The following MYOF variants were observed in gnomAD, a reference collection of about 807,000 sequenced individuals.
MYOF encodes the protein myoferlin, also known as fer-1-like 3, myoferlin.
In MYOF, 244 loss-of-function variants were observed where a neutral mutation model predicts 284.2. The ratio of observed to expected loss-of-function variants is 0.86; its 90% CI spans 0.77 to 0.95. MYOF has a LOEUF of 0.95. MYOF is among the 40% of genes least tolerant of loss of function. MYOF has a pLI of 0.00. For synonymous variants in MYOF, 904 were observed against 919.7 expected (o/e 0.98, Z 0.31); for missense variants, 2,496 against 2,560.6 (o/e 0.97, Z 0.54).
Position 93,398,602 on chromosome 10 carries a change from TG to T in MYOF, c.1221+789del, listed in dbSNP as rs1344828519. Among the ~76,000 whole-genome samples the T allele has an allele frequency of 5.3e-5, 8 of 152,306 alleles. No homozygotes were observed. In the East Asian group the frequency reaches 1.2e-3, roughly 22 times the overall value. On this transcript the variant is annotated intron_variant, in intron 13 of 53. Transcript: ENST00000359263. ...AAACTCAGAGGGTAAACGATTTGCC[TG>T]CCTATGAAGTGGGGTAAAGCCTGAA...
At chr10:93,388,161 C>T (rs938763276) in intron 18 of MYOF, among the ~76,000 whole-genome samples, 2 of 132,062 alleles carry the variant, frequency 1.5e-5, no homozygotes. Flanking sequence ...TAGCTGTGAC[C>T]AAGGTCAGAG....
chr10:93,337,540 T>C, intron 40 of MYOF: 1 of 378,014 alleles, frequency 2.6e-6, no homozygotes, highest in Admixed American at 4.2e-5. Context: ...GTGGCCTAAT[T>C]AGTGTGGTGC....
chr10:93,350,042 G>T, intron 35 of MYOF, 73 bp from the exon 36 acceptor site: 1 of 1,429,648 alleles, frequency 7.0e-7, no homozygotes, highest in Non-Finnish European at 9.5e-7. Flanking sequence ...GAAAAATTCT[G>T]TCTTAATTAC....
intron 3 of MYOF, among the ~76,000 whole-genome samples, chr10:93,447,490 T>G (rs148666663): frequency 1.6e-3 from 245 of 152,326 alleles, no homozygotes; most frequent in Admixed American, 2.9e-3. Context: ...AACTGGTTAT[T>G]TTTTGTAACT....
intron 15 of MYOF, 22 bp from the exon 16 acceptor site, chr10:93,396,246 A>G: frequency 6.7e-7 from 1 of 1,497,266 alleles, no homozygotes; most frequent in South Asian, 1.3e-5. Context: ...ATAAAAATAA[A>G]AAAATAAAAA....
intron 1 of MYOF, among the ~76,000 whole-genome samples, chr10:93,479,781 A>G (rs2057348863): frequency 6.6e-6 from 1 of 152,182 alleles, no homozygotes; most frequent in Admixed American, 6.5e-5. Flanking sequence ...TTGTTAGCTA[A>G]ATGAATGAAT....
chr10:93,356,593 A>G (rs187209346), intron 30 of MYOF, 82 bp downstream of exon 30: 7 of 1,426,418 alleles, frequency 4.9e-6, no homozygotes, highest in Admixed American at 4.4e-5. Flanking sequence ...AGGGACCTCT[A>G]TGGAGTTGGC....
chr10:93,358,497 T>C (rs1051293795), intron 29 of MYOF, among the ~76,000 whole-genome samples: 7 of 152,252 alleles, frequency 4.6e-5, no homozygotes, highest in Admixed American at 3.9e-4. Flanking sequence ...GATACATGCA[T>C]GCATATTTTC....
chr10:93,369,867 T>A, intron 24 of MYOF, 91 bp from the exon 25 acceptor site: 1 of 1,481,608 alleles, frequency 6.7e-7, no homozygotes, highest in South Asian at 1.2e-5. Context: ...GAACATCTAA[T>A]CATTGCTTTC....
chr10:93,459,911 C>T (rs758109357), intron 1 of MYOF, among the ~76,000 whole-genome samples: 1 of 152,084 alleles, frequency 6.6e-6, no homozygotes, highest in Non-Finnish European at 1.5e-5. Context: ...CTCCCATAAC[C>T]GGGGCTTGGG....
intron 43 of MYOF, among the ~76,000 whole-genome samples, chr10:93,330,308 C>G (rs951256485): frequency 6.6e-6 from 1 of 152,106 alleles, no homozygotes; most frequent in African/African-American, 2.4e-5. Flanking sequence ...TAGCTGTTCA[C>G]CAGAGCACCT....
At position 93,333,252 on chromosome 10, in the gene MYOF, T is replaced by G. The variant is rs578159939; in HGVS notation, c.4780A>C (p.Ile1594Leu). ...AAGACTGGGTTGAGAGTGTTGGGAATGTAGTGATCTCGGTCTTCAATGACT... is the reference window on the plus strand; with the variant it reads ...AAGACTGGGTTGAGAGTGTTGGGAAGGTAGTGATCTCGGTCTTCAATGACT... ...KKVIEDRDHY[I>L]PNTLNPVFGR... is the part of the protein sequence containing the mutation. Residue 1594 changes from isoleucine (I) to leucine (L), a missense_variant, in exon 43 of 54, where the codon ATT becomes CTT. Ile to Leu is a conservative substitution (Grantham distance 5). Around this residue, in one of 3 missense-constraint regions of MYOF, gnomAD observed 2,436 missense variants for 2,480.7 expected, o/e 0.98. Coordinates refer to ENST00000359263, the MANE Select transcript of MYOF (RefSeq NM_013451.4). 4 of 1,614,186 alleles carry G rather than the reference T, an allele frequency of 2.5e-6. No individual in the cohort carries two copies. In the African/African-American group the frequency reaches 5.3e-5, roughly 22 times the overall value.
At chr10:93,333,132 C>G (rs1843411409) in intron 43 of MYOF, 89 bp downstream of exon 43, 1 of 1,084,144 alleles carries the variant, frequency 9.2e-7, no homozygotes, top group East Asian at 2.4e-5. Flanking sequence ...AGTTTCAGAG[C>G]CTAGGACAGG....
intron 23 of MYOF, 28 bp downstream of exon 23, chr10:93,374,735 T>C (rs982390391): frequency 6.3e-7 from 1 of 1,596,944 alleles, no homozygotes; most frequent in Non-Finnish European, 8.5e-7. Context: ...CCATATCAGG[T>C]GACGTTTGTG....
At chr10:93,415,328 C>T (rs1848072729) in intron 5 of MYOF, among the ~76,000 whole-genome samples, 1 of 152,200 alleles carries the variant, frequency 6.6e-6, no homozygotes, top group South Asian at 2.1e-4. Flanking sequence ...GAAGCACACA[C>T]ATCTCACTGG....
chr10:93,330,504 GC>G (rs1843250197), intron 43 of MYOF, among the ~76,000 whole-genome samples: 1 of 152,200 alleles, frequency 6.6e-6, no homozygotes, highest in African/African-American at 2.4e-5. Flanking sequence ...TATGTAGGGT[GC>G]CCCAAAGGCT....
intron 15 of MYOF, among the ~76,000 whole-genome samples, chr10:93,396,574 T>C (rs1847021382): frequency 6.6e-6 from 1 of 152,228 alleles, no homozygotes; most frequent in Non-Finnish European, 1.5e-5. Flanking sequence ...GAAATTGCAA[T>C]TGTACAGAGA....
At chr10:93,440,922 A>G (rs2056228931) in intron 3 of MYOF, among the ~76,000 whole-genome samples, 2 of 152,214 alleles carry the variant, frequency 1.3e-5, no homozygotes, top group Non-Finnish European at 2.9e-5. Context: ...CTGCCTTCCA[A>G]AAAGTGCAGT....
At chr10:93,371,424 A>G (rs1845582370) in intron 24 of MYOF, among the ~76,000 whole-genome samples, 1 of 152,230 alleles carries the variant, frequency 6.6e-6, no homozygotes, top group Non-Finnish European at 1.5e-5. Flanking sequence ...TAATTCCATC[A>G]GCTTAAATGC....
Sources: allele counts gnomAD v4.1 joint callset (sites outside exome capture counted in the v4.1 genomes callset), GRCh38; gene constraint gnomAD v4.1.1; regional missense constraint gnomAD v4.1.1; transcripts MANE v1.5; gene names NCBI Gene and HGNC (gene_info 2026-07-23, HGNC 2026-07-21).